SLC26A7: variants seen among roughly 807,000 people sequenced by gnomAD.
SLC26A7 encodes solute carrier family 26 member 7.
A neutral mutation model predicts 82.5 loss-of-function variants in SLC26A7; 59 were observed. The ratio of observed to expected loss-of-function variants is 0.72; its 90% CI spans 0.58 to 0.89. SLC26A7 has a LOEUF of 0.89. SLC26A7 is among the 40% of genes least tolerant of loss of function. SLC26A7 has a pLI of 0.00. For missense variants in SLC26A7, 820 were observed against 793.0 expected (o/e 1.03, Z -0.41); for synonymous variants, 271 against 274.3 (o/e 0.99, Z 0.12).
chr8:91,385,221 G>T (rs1814769578), intron 15 of SLC26A7, among the ~76,000 whole-genome samples: 1 of 152,052 alleles, frequency 6.6e-6, no homozygotes, highest in South Asian at 2.1e-4. Flanking sequence ...CATGCTCCAA[G>T]CTTACCTCAT....
At chr8:91,381,181 T>C (rs1814660875) in intron 15 of SLC26A7, among the ~76,000 whole-genome samples, 1 of 152,120 alleles carries the variant, frequency 6.6e-6, no homozygotes, top group Non-Finnish European at 1.5e-5. Flanking sequence ...AGATTTTTCA[T>C]AAAATTGTTT....
At chr8:91,268,202 G>C (rs945590660) in intron 2 of SLC26A7, among the ~76,000 whole-genome samples, 3 of 151,660 alleles carry the variant, frequency 2.0e-5, no homozygotes, top group Non-Finnish European at 4.4e-5. Flanking sequence ...TTTCTGTTGA[G>C]AAGATCTGTC....
chr8:91,360,605 A>AAAT (rs1367193799), intron 11 of SLC26A7, among the ~76,000 whole-genome samples: 7 of 152,192 alleles, frequency 4.6e-5, no homozygotes, highest in Non-Finnish European at 1.0e-4. Flanking sequence ...GTGGGAGAGT[A>AAAT]AATATGCTTT....
At chr8:91,381,203 A>G (rs940566265) in intron 15 of SLC26A7, among the ~76,000 whole-genome samples, 2 of 152,156 alleles carry the variant, frequency 1.3e-5, no homozygotes, top group Admixed American at 1.3e-4. Context: ...TTAATTCCCC[A>G]AAACTGGAAA....
Position 91,273,122 on chromosome 8 carries a change from AT to A in SLC26A7, c.194-16013del, listed in dbSNP as rs1811316175. ...GTGATGCCATTTTCTGAGATAGAGCATAAATAAACAAAACAACCAGTGTTTG... is the reference window on the plus strand; with the variant it reads ...GTGATGCCATTTTCTGAGATAGAGCAAAATAAACAAAACAACCAGTGTTTG... On this transcript the variant is annotated intron_variant, in intron 2 of 18. Transcript: ENST00000276609. Among the ~76,000 whole-genome samples, 4 of 152,168 alleles carry A rather than the reference AT, an allele frequency of 2.6e-5. No individual in the cohort carries two copies. The South Asian group carries it at 8.3e-4, about 32-fold the overall frequency.
intron 4 of SLC26A7, among the ~76,000 whole-genome samples, chr8:91,298,506 T>A (rs1812075625): frequency 6.6e-6 from 1 of 152,232 alleles, no homozygotes; most frequent in East Asian, 1.9e-4. Context: ...GAGAACAAAG[T>A]TCTTGAGGGT....
intron 2 of SLC26A7, among the ~76,000 whole-genome samples, chr8:91,261,033 A>G (rs1162700198): frequency 6.6e-6 from 1 of 152,110 alleles, no homozygotes; most frequent in Non-Finnish European, 1.5e-5. Flanking sequence ...GTGGTTTGCT[A>G]ATAACTATTC....
At position 91,334,453 on chromosome 8, in the gene SLC26A7, T is replaced by C. The variant is rs1357424273; in HGVS notation, c.795+6T>C. On this transcript the variant is annotated splice_donor_region_variant and intron_variant, in intron 6 of 18. Transcript: ENST00000276609. ...TTCCTGTAGATTTAGTTTTGGTAAG[T>C]ATAAAATCAACATTTAGCTTTTTGC... is the stretch of plus-strand genomic sequence containing the variant. 3.1e-6 allele frequency: 5 copies of C among 1,607,514 alleles called. No individual in the cohort carries two copies. The highest frequency in any genetic ancestry group is 4.2e-6 in the Non-Finnish European group (5 of 1,177,420).
At chr8:91,264,758 G>C (rs1341115865) in intron 2 of SLC26A7, among the ~76,000 whole-genome samples, 2 of 151,654 alleles carry the variant, frequency 1.3e-5, no homozygotes, top group Non-Finnish European at 2.9e-5. Flanking sequence ...ATTTTTTTTT[G>C]TTTATAATTG....
intron 2 of SLC26A7, among the ~76,000 whole-genome samples, chr8:91,250,757 T>C (rs1357087014): frequency 6.6e-6 from 1 of 152,112 alleles, no homozygotes; most frequent in East Asian, 1.9e-4. Context: ...CTCTTTTAAT[T>C]AAATTATTCT....
At chr8:91,328,860 T>C (rs934314385) in intron 5 of SLC26A7, among the ~76,000 whole-genome samples, 2 of 152,124 alleles carry the variant, frequency 1.3e-5, no homozygotes, top group African/African-American at 4.8e-5. Flanking sequence ...ATAGGTGATT[T>C]ACCTCAAGAT....
intron 4 of SLC26A7, among the ~76,000 whole-genome samples, chr8:91,300,093 ATGTTGATT>A (rs1368494128): frequency 6.6e-6 from 1 of 152,176 alleles, no homozygotes; most frequent in African/African-American, 2.4e-5. Flanking sequence ...CATCTTTATG[ATGTTGATT>A]TGTCCTGTCC....
intron 9 of SLC26A7, among the ~76,000 whole-genome samples, chr8:91,349,307 C>T (rs1043026746): frequency 6.6e-6 from 1 of 152,162 alleles, no homozygotes; most frequent in Non-Finnish European, 1.5e-5. Context: ...GTCTTTTTCA[C>T]CCACAGTTTG....
At chr8:91,218,321 T>C (rs1383031467) in intron 1 of SLC26A7, among the ~76,000 whole-genome samples, 2 of 127,472 alleles carry the variant, frequency 1.6e-5, no homozygotes, top group Non-Finnish European at 3.4e-5. Flanking sequence ...TGCACTAAAT[T>C]GGCTAACAGG....
In SLC26A7 at chr8:91,318,294, G is replaced by T. The variant is rs1255446523; in HGVS notation, c.556G>T (p.Ala186Ser). The stretch of plus-strand genomic sequence containing the variant: ...TGTGATCAGCGCAATGACAACTGGG[G>T]CTGCCACCCATGTGGTGACTTCACA... ...EPVISAMTTG[A>S]ATHVVTSQVK... The change falls in exon 5 of 19, where the codon GCT becomes TCT. Residue 186 changes from alanine (A) to serine (S), a missense_variant. Transcript: ENST00000276609. 2 of 1,612,240 alleles carry T rather than the reference G, an allele frequency of 1.2e-6. No homozygotes were observed. Among genetic ancestry groups the T allele is most frequent in the East Asian group, 2.2e-5 (1 of 44,708 alleles).
chr8:91,309,699 G>C (rs562634319), intron 4 of SLC26A7, among the ~76,000 whole-genome samples: 1 of 152,000 alleles, frequency 6.6e-6, no homozygotes, highest in Non-Finnish European at 1.5e-5. Context: ...CTTGGGAGGG[G>C]GTCAAGAGGG....
At chr8:91,379,825 T>G (rs1012621914) in intron 15 of SLC26A7, among the ~76,000 whole-genome samples, 1 of 152,088 alleles carries the variant, frequency 6.6e-6, no homozygotes, top group Non-Finnish European at 1.5e-5. Flanking sequence ...TTAAGAACTT[T>G]TGTTTACCAG....
chr8:91,234,799 A>ACCTC (rs1810364480), intron 2 of SLC26A7, among the ~76,000 whole-genome samples: 2 of 113,462 alleles, frequency 1.8e-5, no homozygotes, highest in Admixed American at 8.6e-5. Context: ...CTCCCTACCT[A>ACCTC]CCTACCTACC....
chr8:91,215,800 T>C (rs1363700858), intron 1 of SLC26A7, among the ~76,000 whole-genome samples: 2 of 152,286 alleles, frequency 1.3e-5, no homozygotes, highest in Non-Finnish European at 2.9e-5. Context: ...TTTTGTTAAT[T>C]GAGGTTTGTG....
Sources: gnomAD v4.1 joint callset for allele counts (sites outside exome capture counted in the v4.1 genomes callset) on GRCh38, gnomAD v4.1.1 for gene constraint, MANE v1.5 for transcripts, NCBI Gene and HGNC (gene_info 2026-07-23, HGNC 2026-07-21) for gene names.